C1QTNF3: variants seen among roughly 807,000 people sequenced by gnomAD.
C1QTNF3 encodes C1q and TNF related 3.
Under a neutral mutation model 32.6 loss-of-function variants are expected in C1QTNF3, and 26 were observed. The ratio of observed to expected loss-of-function variants is 0.80; its 90% CI spans 0.58 to 1.11. The LOEUF (loss-of-function observed/expected upper bound fraction) is 1.11, where lower values mean the gene tolerates loss of function less well. Ranked by LOEUF, C1QTNF3 falls within the 50% of genes least tolerant of loss-of-function variation. The probability of loss-of-function intolerance (pLI) is 0.00; values close to 1 mark genes in which losing one functional copy is unlikely to be tolerated. For missense variants in C1QTNF3, 362 were observed against 398.2 expected (o/e 0.91, Z 0.77); for synonymous variants, 155 against 146.0 (o/e 1.06, Z -0.44).
the C1QTNF3 span, among the ~76,000 whole-genome samples, chr5:34,154,780 C>T: frequency 6.6e-6 from 1 of 152,090 alleles, no homozygotes; most frequent in Non-Finnish European, 1.5e-5. Context: ...AGTGAACTAT[C>T]TCTGGGCATG....
chr5:34,162,653 A>C, the C1QTNF3 span, among the ~76,000 whole-genome samples: 1 of 152,204 alleles, frequency 6.6e-6, no homozygotes, highest in African/African-American at 2.4e-5. Flanking sequence ...GGGCTAAAAT[A>C]TTACAGAAAT....
At chr5:34,162,607 T>C in the C1QTNF3 span, among the ~76,000 whole-genome samples, 1 of 152,326 alleles carries the variant, frequency 6.6e-6, no homozygotes, top group South Asian at 2.1e-4. Flanking sequence ...CTCTATTGTT[T>C]TTATATGCAA....
chr5:34,237,907 C>T, the C1QTNF3 span, among the ~76,000 whole-genome samples: 1 of 152,126 alleles, frequency 6.6e-6, no homozygotes, highest in Admixed American at 6.5e-5. Context: ...CACTATAGAG[C>T]ACACCTGCAA....
At chr5:34,066,975 G>C in the C1QTNF3 span, among the ~76,000 whole-genome samples, 1 of 152,030 alleles carries the variant, frequency 6.6e-6, no homozygotes. Flanking sequence ...TTGCTGCTTA[G>C]AAATTTCTTT....
the C1QTNF3 span, among the ~76,000 whole-genome samples, chr5:34,071,718 C>T: frequency 6.6e-6 from 1 of 152,076 alleles, no homozygotes; most frequent in Admixed American, 6.6e-5. Flanking sequence ...TCTATAATAG[C>T]ATCAGTGATC....
At chr5:34,070,967 A>G in the C1QTNF3 span, among the ~76,000 whole-genome samples, 1 of 152,292 alleles carries the variant, frequency 6.6e-6, no homozygotes, top group South Asian at 2.1e-4. Context: ...AAATTTGTCA[A>G]TAAGCATTAG....
At chr5:34,117,818 C>G in the C1QTNF3 span, among the ~76,000 whole-genome samples, 3 of 152,010 alleles carry the variant, frequency 2.0e-5, no homozygotes. Flanking sequence ...GTTCTTCACT[C>G]CAATGTAGTA....
the C1QTNF3 span, among the ~76,000 whole-genome samples, chr5:34,115,456 C>T: frequency 6.6e-6 from 1 of 152,164 alleles, no homozygotes; most frequent in Admixed American, 6.5e-5. Context: ...GGTGGCCGGA[C>T]ACGGTGGCTC....
chr5:34,022,369 T>A (rs577242732), intron 5 of C1QTNF3, among the ~76,000 whole-genome samples: 2 of 152,266 alleles, frequency 1.3e-5, no homozygotes, highest in South Asian at 4.1e-4. Context: ...CTGCTCACCT[T>A]TCAGATGTGC....
At chr5:34,228,201 T>C in the C1QTNF3 span, among the ~76,000 whole-genome samples, 1 of 152,098 alleles carries the variant, frequency 6.6e-6, no homozygotes, top group African/African-American at 2.4e-5. Context: ...GTCTAAGGTA[T>C]TTCTTCTTTC....
chr5:34,074,932 C>G, the C1QTNF3 span, among the ~76,000 whole-genome samples: 1 of 151,644 alleles, frequency 6.6e-6, no homozygotes, highest in African/African-American at 2.4e-5. Context: ...GAATTGTAGG[C>G]TATTTGAAAG....
At chr5:34,110,433 G>A in the C1QTNF3 span, among the ~76,000 whole-genome samples, 1 of 151,916 alleles carries the variant, frequency 6.6e-6, no homozygotes, top group Non-Finnish European at 1.5e-5. Flanking sequence ...CACTTCCCAA[G>A]AAAGACAAGC....
chr5:34,177,277 C>A, the C1QTNF3 span, among the ~76,000 whole-genome samples: 1 of 152,098 alleles, frequency 6.6e-6, no homozygotes, highest in Admixed American at 6.6e-5. Context: ...TAGTGGCTAC[C>A]ATTTCAGACA....
the C1QTNF3 span, among the ~76,000 whole-genome samples, chr5:34,089,428 T>C: frequency 6.6e-6 from 1 of 152,104 alleles, no homozygotes; most frequent in Admixed American, 6.5e-5. Context: ...ATAAATGGTA[T>C]GAATGGAATT....
chr5:34,208,198 T>A, the C1QTNF3 span, among the ~76,000 whole-genome samples: 2 of 152,256 alleles, frequency 1.3e-5, no homozygotes, highest in Non-Finnish European at 2.9e-5. Context: ...CTGTAACACC[T>A]GATAATAACT....
At chr5:34,209,012 C>T in the C1QTNF3 span, among the ~76,000 whole-genome samples, 1 of 150,838 alleles carries the variant, frequency 6.6e-6, no homozygotes, top group Admixed American at 6.6e-5. Context: ...GTGCTATTCA[C>T]ATCCGGTAAG....
rs760865065 is a variant in C1QTNF3, at chr5:34,033,346, G to A, written c.528C>T (p.Pro176=). ...TCCCCGGGTAGCCCTTCTCTCCTTT[G>A]GGGCCATGCTGCCCCCGCTCCCCTC... The part of the protein sequence containing the change: ...GPRGERGQHG[P]KGEKGYPGIP... Residue 176 remains proline (P), a synonymous_variant, in exon 3 of 6, where the codon CCC becomes CCT. Transcript: ENST00000382065. The A allele has an allele frequency of 6.2e-7, 1 of 1,613,750 alleles. No individual in the cohort carries two copies. Among genetic ancestry groups the A allele is most frequent in the Admixed American group, 1.7e-5 (1 of 59,946 alleles).
the C1QTNF3 span, among the ~76,000 whole-genome samples, chr5:34,135,344 T>C: frequency 7.9e-5 from 12 of 152,324 alleles, no homozygotes; most frequent in South Asian, 1.9e-3. Flanking sequence ...GATTTTCGCA[T>C]TGATGTTCAT....
the C1QTNF3 span, among the ~76,000 whole-genome samples, chr5:34,205,120 GTTC>G: frequency 4.1e-5 from 6 of 144,766 alleles, no homozygotes; most frequent in East Asian, 2.0e-4. Flanking sequence ...TGATAAAGAT[GTTC>G]TTCTACTAAG....
Sources: allele counts gnomAD v4.1 joint callset (sites outside exome capture counted in the v4.1 genomes callset), GRCh38; gene constraint gnomAD v4.1.1; transcripts MANE v1.5; gene names NCBI Gene and HGNC (gene_info 2026-07-23, HGNC 2026-07-21).